Variants in LSM12 observed in about 807,000 individuals in gnomAD.
LSM12 encodes the protein LSM12 homolog, also known as protein LSM12.
For synonymous variants in LSM12, 74 were observed against 87.3 expected, an observed-to-expected ratio of 0.85 and a Z score of 0.85; for missense variants, 108 against 238.9, an observed-to-expected ratio of 0.45 and a Z score of 3.61.
At chr17:44,043,895 C>T (rs2049527973) in intron 2 of LSM12, among the ~76,000 whole-genome samples, 1 of 151,834 alleles carries the variant, frequency 6.6e-6, no homozygotes, top group Non-Finnish European at 1.5e-5. Flanking sequence ...AGTGGACAGG[C>T]GGGCATTTAC....
At chr17:44,056,243 C>A (rs1164238168) in intron 2 of LSM12, among the ~76,000 whole-genome samples, 1 of 148,570 alleles carries the variant, frequency 6.7e-6, no homozygotes, top group Non-Finnish European at 1.5e-5. Flanking sequence ...TGTGGTGAGC[C>A]GAGATCGCGC....
intron 2 of LSM12, among the ~76,000 whole-genome samples, chr17:44,045,217 A>G (rs907602400): frequency 3.3e-5 from 5 of 151,804 alleles, no homozygotes; most frequent in South Asian, 2.1e-4. Context: ...TAGTAGAGAC[A>G]GGGGTTCACC....
chr17:44,038,527 C>T (rs145858495), intron 3 of LSM12, among the ~76,000 whole-genome samples: 17 of 152,142 alleles, frequency 1.1e-4, no homozygotes, highest in Non-Finnish European at 2.2e-4. Context: ...TGGGACTGCG[C>T]GCCTGTAGTC....
At chr17:44,054,833 TTTTC>T (rs1363441872) in intron 2 of LSM12, among the ~76,000 whole-genome samples, 1 of 151,356 alleles carries the variant, frequency 6.6e-6, no homozygotes, top group Non-Finnish European at 1.5e-5. Context: ...GACGTTTTCT[TTTTC>T]TTTTTTTTTT....
chr17:44,066,686 C>CT, upstream of LSM12: 1 of 1,236,682 alleles, frequency 8.1e-7, no homozygotes, highest in Non-Finnish European at 1.0e-6. Context: ...ACGGAGCGTG[C>CT]TTGCGTCACA....
intron 1 of LSM12, among the ~76,000 whole-genome samples, chr17:44,066,006 C>A (rs1243003667): frequency 6.6e-6 from 1 of 152,108 alleles, no homozygotes; most frequent in Non-Finnish European, 1.5e-5. Flanking sequence ...TGGACGAAAT[C>A]CCATCAGTGC....
At position 44,066,641 on chromosome 17, in the gene LSM12, G is replaced by T. The variant is rs907561122; in HGVS notation, c.-54C>A. On this transcript the variant is annotated 5_prime_UTR_variant, in exon 1 of 5. Coordinates refer to ENST00000293406, the MANE Select transcript of LSM12 (RefSeq NM_001371445.1). The stretch of plus-strand genomic sequence containing the variant: ...GCGGCGGCAGCAGCGGGCGAAAGCC[G>T]GGCCCCCAGTGAGCGCCGCGACGCG... 2 of 1,290,356 alleles carry T rather than the reference G, an allele frequency of 1.5e-6. No homozygotes were observed. The highest frequency in any genetic ancestry group is 2.7e-5 in the South Asian group (1 of 37,686). The allele number at this position is 1,290,356 out of a possible 1,614,324, so 79.9% of individuals were successfully genotyped here. A position where few individuals can be genotyped will look rare whatever the true frequency, so the allele number is the denominator to read the frequency against.
At chr17:44,043,978 A>T (rs954581482) in intron 2 of LSM12, among the ~76,000 whole-genome samples, 2 of 152,150 alleles carry the variant, frequency 1.3e-5, no homozygotes, top group African/African-American at 4.8e-5. Context: ...TGAAAATCCA[A>T]ATCATCTCCG....
chr17:44,066,403 AC>A (rs1400769874), intron 1 of LSM12, 60 bp downstream of exon 1: 44 of 1,431,634 alleles, frequency 3.1e-5, no homozygotes, highest in Admixed American at 1.7e-4. Context: ...GTCGTCCCCC[AC>A]CCCCCGACCA....
intron 2 of LSM12, among the ~76,000 whole-genome samples, chr17:44,041,963 A>G (rs1371921804): frequency 6.6e-6 from 1 of 152,178 alleles, no homozygotes; most frequent in East Asian, 1.9e-4. Flanking sequence ...AGAACACACA[A>G]TTTGTCCCCA....
intron 2 of LSM12, among the ~76,000 whole-genome samples, chr17:44,058,695 G>A (rs1037781868): frequency 1.9e-4 from 29 of 152,106 alleles, no homozygotes; most frequent in Non-Finnish European, 2.9e-4. Context: ...AGCCAGGCAT[G>A]GTGGCGCACG....
At chr17:44,039,376 T>C (rs1382007972) in intron 3 of LSM12, among the ~76,000 whole-genome samples, 1 of 125,316 alleles carries the variant, frequency 8.0e-6, no homozygotes, top group African/African-American at 3.1e-5. Context: ...TTTTTTTTTT[T>C]TTTTTTTTTT....
chr17:44,064,249 A>G (rs980883928), intron 1 of LSM12, among the ~76,000 whole-genome samples: 2 of 122,906 alleles, frequency 1.6e-5, no homozygotes, highest in Non-Finnish European at 4.1e-5. Flanking sequence ...TGTTCTTCGT[A>G]TAATACTCTC....
intron 2 of LSM12, among the ~76,000 whole-genome samples, chr17:44,043,309 A>G (rs913534071): frequency 3.9e-5 from 6 of 152,204 alleles, no homozygotes; most frequent in African/African-American, 1.2e-4. Context: ...GAGAGAGACA[A>G]ATACAGCAGC....
At chr17:44,037,786 G>A (rs1402724429) in intron 3 of LSM12, among the ~76,000 whole-genome samples, 3 of 152,174 alleles carry the variant, frequency 2.0e-5, no homozygotes, top group Non-Finnish European at 4.4e-5. Flanking sequence ...AAGCATCAGA[G>A]ATCTGGAGAG....
intron 2 of LSM12, among the ~76,000 whole-genome samples, chr17:44,054,141 G>C (rs1220982020): frequency 6.6e-6 from 1 of 152,090 alleles, no homozygotes; most frequent in African/African-American, 2.4e-5. Context: ...GTCCCCTTGG[G>C]AACTAAACTC....
intron 1 of LSM12, 67 bp from the exon 2 acceptor site, chr17:44,064,001 G>A: frequency 6.4e-7 from 1 of 1,559,726 alleles, no homozygotes; most frequent in Admixed American, 1.8e-5. Flanking sequence ...CCCAAAAGGG[G>A]CATAGAAAAC....
At chr17:44,037,378 C>T (rs2049429999) in intron 4 of LSM12, 34 bp downstream of exon 4, 3 of 1,548,134 alleles carry the variant, frequency 1.9e-6, no homozygotes, top group Non-Finnish European at 2.6e-6. Context: ...GAACCATCCT[C>T]TCTCCCCTAA....
chr17:44,036,323 G>A (rs765276807), intron 4 of LSM12, 23 bp from the exon 5 acceptor site: 1 of 1,613,908 alleles, frequency 6.2e-7, no homozygotes, highest in African/African-American at 1.3e-5. Flanking sequence ...AGGCAACCCA[G>A]GTCAACAAAG....
Sources: gnomAD v4.1 joint callset for allele counts (sites outside exome capture counted in the v4.1 genomes callset) on GRCh38, gnomAD v4.1.1 for gene constraint, MANE v1.5 for transcripts, NCBI Gene and HGNC (gene_info 2026-07-23, HGNC 2026-07-21) for gene names.